Variants in FMNL2 observed in about 807,000 individuals in gnomAD.
FMNL2 encodes formin-like protein 2.
In FMNL2, 51 loss-of-function variants were observed where a neutral mutation model predicts 130.2. The observed-to-expected ratio is 0.39, with a 90% CI of 0.31 to 0.49. FMNL2 has a LOEUF of 0.49. Ranked by LOEUF, FMNL2 falls within the 20% of genes least tolerant of loss-of-function variation. The probability of loss-of-function intolerance (pLI) is 0.85; values close to 1 mark genes in which losing one functional copy is unlikely to be tolerated. For synonymous variants in FMNL2, 465 were observed against 467.1 expected (o/e 1.00, Z 0.06); for missense variants, 977 against 1,316.2 (o/e 0.74, Z 3.99).
At chr2:152,570,847 A>G (rs1696132875) in intron 6 of FMNL2, among the ~76,000 whole-genome samples, 1 of 60,848 alleles carries the variant, frequency 1.6e-5, no homozygotes, top group African/African-American at 7.8e-5. Flanking sequence ...TGCTGGTGAA[A>G]TGGTTGAATT....
rs561776070 is a variant in FMNL2, at chr2:152,455,575, C to G, written c.118-66368C>G. On this transcript the variant is annotated intron_variant, in intron 1 of 25. Coordinates refer to ENST00000288670, the MANE Select transcript of FMNL2 (RefSeq NM_052905.4). ...CTGAGCACCTACCACAGGCTGGGTG[C>G]TGTACTAAGACTTAACAAAATAAAG... Among the ~76,000 whole-genome samples, 3 of 152,258 alleles carry G rather than the reference C, an allele frequency of 2.0e-5. No homozygotes were observed. The South Asian group carries it at 6.2e-4, about 32-fold the overall frequency.
At chr2:152,336,044 G>A (rs1414875669) in intron 1 of FMNL2, among the ~76,000 whole-genome samples, 1 of 151,684 alleles carries the variant, frequency 6.6e-6, no homozygotes, top group Non-Finnish European at 1.5e-5. Context: ...AGAAGGTGGC[G>A]CGGGCTGGGA....
chr2:152,601,718 A>C (rs1698086740), intron 9 of FMNL2, among the ~76,000 whole-genome samples: 1 of 137,058 alleles, frequency 7.3e-6, no homozygotes, highest in South Asian at 2.2e-4. Flanking sequence ...CACCCAGGCT[A>C]GAGTGCAATG....
intron 1 of FMNL2, among the ~76,000 whole-genome samples, chr2:152,358,182 A>G (rs1682947430): frequency 6.6e-6 from 1 of 151,704 alleles, no homozygotes; most frequent in Non-Finnish European, 1.5e-5. Flanking sequence ...CAGCTTTTGG[A>G]CTCTTAGATT....
intron 1 of FMNL2, among the ~76,000 whole-genome samples, chr2:152,351,597 A>C (rs1198227515): frequency 6.6e-6 from 1 of 152,172 alleles, no homozygotes; most frequent in East Asian, 1.9e-4. Flanking sequence ...TATCCAGTCT[A>C]TCATTGATGG....
intron 1 of FMNL2, among the ~76,000 whole-genome samples, chr2:152,464,701 G>T (rs943023676): frequency 3.9e-5 from 6 of 152,216 alleles, no homozygotes; most frequent in African/African-American, 1.4e-4. Context: ...GTGAGGAGGA[G>T]GCTCAGACGC....
chr2:152,501,884 G>A (rs1024846560), intron 1 of FMNL2, among the ~76,000 whole-genome samples: 9 of 152,130 alleles, frequency 5.9e-5, no homozygotes, highest in East Asian at 1.9e-4. Context: ...TGATCCAAAC[G>A]TTCTAGTTCA....
intron 13 of FMNL2, among the ~76,000 whole-genome samples, chr2:152,617,827 AGGCAAAT>A (rs750550486): frequency 4.6e-5 from 7 of 152,306 alleles, no homozygotes; most frequent in Non-Finnish European, 1.0e-4. Flanking sequence ...GAGAGCTTTA[AGGCAAAT>A]GGCTTGCCTT....
At chr2:152,446,198 G>A (rs151216937) in intron 1 of FMNL2, among the ~76,000 whole-genome samples, 2 of 152,316 alleles carry the variant, frequency 1.3e-5, no homozygotes, top group East Asian at 3.9e-4. Context: ...CAGAGGGACT[G>A]TCCCTAAAAT....
chr2:152,645,124 G>C (rs1263304132), intron 25 of FMNL2, among the ~76,000 whole-genome samples: 1 of 152,170 alleles, frequency 6.6e-6, no homozygotes, highest in Non-Finnish European at 1.5e-5. Context: ...ACCCACCAGT[G>C]CTTATTAACA....
At chr2:152,514,073 AT>A in intron 1 of FMNL2, among the ~76,000 whole-genome samples, 1 of 152,234 alleles carries the variant, frequency 6.6e-6, no homozygotes, top group African/African-American at 2.4e-5. Flanking sequence ...CATGTGCTGA[AT>A]TTGCAGCCAC....
At chr2:152,375,167 A>G (rs1684085615) in intron 1 of FMNL2, among the ~76,000 whole-genome samples, 1 of 152,206 alleles carries the variant, frequency 6.6e-6, no homozygotes, top group Admixed American at 6.5e-5. Flanking sequence ...GAATACTACT[A>G]CCTTTTCATG....
At chr2:152,355,384 G>A (rs956901776) in intron 1 of FMNL2, among the ~76,000 whole-genome samples, 10 of 152,250 alleles carry the variant, frequency 6.6e-5, no homozygotes, top group East Asian at 1.9e-4. Flanking sequence ...GGTCATCCCC[G>A]GTCTTTGGCA....
intron 4 of FMNL2, 136 bp downstream of exon 4, chr2:152,549,233 T>C (rs1694809016): frequency 3.7e-6 from 2 of 535,772 alleles, no homozygotes; most frequent in Admixed American, 4.1e-5. Context: ...GATGAAACCT[T>C]GTTAGTACTC....
chr2:152,359,494 T>TTTTTTTTTTA (rs1553866944), intron 1 of FMNL2, among the ~76,000 whole-genome samples: 1 of 147,878 alleles, frequency 6.8e-6, no homozygotes, highest in Admixed American at 6.7e-5. Context: ...TTTTTTTTTT[T>TTTTTTTTTTA]CACATAACAG....
chr2:152,427,691 A>G (rs539924330), intron 1 of FMNL2, among the ~76,000 whole-genome samples: 2 of 152,322 alleles, frequency 1.3e-5, no homozygotes, highest in East Asian at 3.9e-4. Flanking sequence ...AGGGTAGAAC[A>G]TGGGAAGACA....
intron 1 of FMNL2, among the ~76,000 whole-genome samples, chr2:152,411,001 G>A (rs1197140757): frequency 6.6e-6 from 1 of 152,174 alleles, no homozygotes; most frequent in African/African-American, 2.4e-5. Context: ...AGTTAAAGAA[G>A]AGCAAGCCAC....
At chr2:152,422,259 C>T (rs941850999) in intron 1 of FMNL2, among the ~76,000 whole-genome samples, 7 of 152,178 alleles carry the variant, frequency 4.6e-5, no homozygotes, top group Non-Finnish European at 7.3e-5. Context: ...GGGATTCCCT[C>T]GTTCTGTGTT....
At chr2:152,473,074 A>C (rs1689945967) in intron 1 of FMNL2, among the ~76,000 whole-genome samples, 1 of 152,168 alleles carries the variant, frequency 6.6e-6, no homozygotes, top group African/African-American at 2.4e-5. Flanking sequence ...TGGGTTTTGG[A>C]ATCTGTTTAT....
Sources: gnomAD v4.1 joint callset for allele counts (sites outside exome capture counted in the v4.1 genomes callset) on GRCh38, gnomAD v4.1.1 for gene constraint, MANE v1.5 for transcripts, NCBI Gene and HGNC (gene_info 2026-07-23, HGNC 2026-07-21) for gene names.